The following DNAH10 variants were observed in gnomAD, a reference collection of about 807,000 sequenced individuals.
DNAH10 encodes axonemal beta dynein heavy chain 10.
A neutral mutation model predicts 506.6 loss-of-function variants in DNAH10; 348 were observed. The observed-to-expected ratio is 0.69, with a 90% CI of 0.63 to 0.75. DNAH10 has a LOEUF of 0.75. Ranked by LOEUF, DNAH10 falls within the 30% of genes least tolerant of loss-of-function variation. The probability of loss-of-function intolerance (pLI) is 0.00; values close to 1 mark genes in which losing one functional copy is unlikely to be tolerated. For synonymous variants in DNAH10, 2,059 were observed against 2,198.6 expected, an observed-to-expected ratio of 0.94 and a Z score of 1.78; for missense variants, 5,179 against 5,787.1, an observed-to-expected ratio of 0.89 and a Z score of 3.41.
chr12:123,862,417 G>A (rs1056575561), intron 39 of DNAH10, among the ~76,000 whole-genome samples: 8 of 151,342 alleles, frequency 5.3e-5, no homozygotes, highest in African/African-American at 1.9e-4. Context: ...TTTGAGAGGG[G>A]TCGTGCTCTG....
chr12:123,814,658 A>G (rs1311007700), intron 21 of DNAH10, among the ~76,000 whole-genome samples: 5 of 127,332 alleles, frequency 3.9e-5, no homozygotes, highest in South Asian at 2.4e-4. Context: ...TCTGTCGCCC[A>G]GGCTGGAGTG....
In DNAH10 at chr12:123,813,861, A is replaced by C; in HGVS notation, c.3729A>C (p.Arg1243Ser). 1 of 1,612,564 alleles carries C rather than the reference A, an allele frequency of 6.2e-7. No homozygotes were observed. Among genetic ancestry groups the C allele is most frequent in the Non-Finnish European group, 8.5e-7 (1 of 1,179,634 alleles). The change falls in exon 21 of 79, where the codon AGA becomes AGC. Residue 1243 changes from arginine (R) to serine (S), a missense_variant. By Grantham distance (110) the Arg-to-Ser change is moderately radical. Transcript: ENST00000673944. Reference protein sequence around the residue: ...IRSKSLVMELRYRDVQERYRT... With the variant: ...IRSKSLVMELSYRDVQERYRT... Reference sequence around the variant, plus strand: ...GTAAATCTCTAGTCATGGAACTCAGATATAGGGACGTCCAGGAGCGATACC... The same window carrying C: ...GTAAATCTCTAGTCATGGAACTCAGCTATAGGGACGTCCAGGAGCGATACC...
At chr12:123,764,616 C>G (rs549437501) in intron 1 of DNAH10, among the ~76,000 whole-genome samples, 1 of 152,284 alleles carries the variant, frequency 6.6e-6, no homozygotes, top group Admixed American at 6.5e-5. Context: ...ACGTGTTTAG[C>G]CCAAATGTCA....
At chr12:123,808,657 C>T (rs1054554918) in intron 18 of DNAH10, 140 bp from the exon 19 acceptor site, 6 of 794,064 alleles carry the variant, frequency 7.6e-6, no homozygotes, top group African/African-American at 3.5e-5. Context: ...TAAGACTCAC[C>T]CCAGCCTGTC....
Position 123,933,451 on chromosome 12 carries a change from T to C in DNAH10, c.13417T>C (p.Leu4473=). The change falls in exon 77 of 79, where the codon TTG becomes CTG. Residue 4473 remains leucine (L), a synonymous_variant. Transcript: ENST00000673944. ...KNGWPLDRST[L]FTQVTKFQDA... ...CGGCTGGCCACTGGACCGCTCCACC[T>C]TGTTCACACAAGTGACCAAGTTCCA... 6.2e-7 allele frequency: 1 copy of C among 1,612,772 alleles called. No individual in the cohort carries two copies. The highest frequency in any genetic ancestry group is 8.5e-7 in the Non-Finnish European group (1 of 1,179,674).
rs563295755 is a variant in DNAH10, at chr12:123,800,972, G to A, written c.2463-309G>A. 2.1e-3 allele frequency among the ~76,000 whole-genome samples: 312 copies of A among 152,026 alleles called. 1 individual carries two copies. The highest frequency in any genetic ancestry group is 3.4e-3 in the Middle Eastern group (1 of 294). On this transcript the variant is annotated intron_variant, in intron 15 of 78. Coordinates refer to ENST00000673944, the MANE Select transcript of DNAH10 (RefSeq NM_001372106.1). ...GCAGAGGTTGCAGTGAGCCGAGATC[G>A]TGCCACTGCACTCCAGCCTAGGCGA...
Position 123,913,389 on chromosome 12 carries a change from ATTCT to A in DNAH10, c.10352+77_10352+80del. On this transcript the variant is annotated intron_variant, in intron 60 of 78. Transcript: ENST00000673944. The surrounding 1 kb of genome is among the most constrained non-coding windows in gnomAD (Gnocchi z 5.1). ...ACCCACAGAGTTTCTCGCCATGTTG[ATTCT>A]TTATCTCACGTTGTGTTTTTATGTG... 1 of 1,424,302 alleles carries A rather than the reference ATTCT, an allele frequency of 7.0e-7. No homozygotes were observed. Among genetic ancestry groups the A allele is most frequent in the South Asian group, 1.4e-5 (1 of 73,602 alleles). The allele number at this position is 1,424,302 out of a possible 1,614,324, so 88.2% of individuals were successfully genotyped here.
In DNAH10 at chr12:123,910,687, T is replaced by A; in HGVS notation, c.10134+15T>A. The stretch of plus-strand genomic sequence containing the variant: ...AAAGAGAGAAGGTATTGCCCGAATG[T>A]AAGACTGCCACACCACTGCCAAGGG... On this transcript the variant is annotated intron_variant, in intron 59 of 78. Transcript: ENST00000673944. 1 of 1,609,366 alleles carries A rather than the reference T, an allele frequency of 6.2e-7. No individual in the cohort carries two copies. Among genetic ancestry groups the A allele is most frequent in the African/African-American group, 1.4e-5 (1 of 72,588 alleles).
Position 123,859,224 on chromosome 12 carries a change from G to GGGCA in DNAH10, c.6706_6709dup (p.Lys2237ArgfsTer7). On this transcript the variant is annotated frameshift_variant, in exon 38 of 79. Coordinates refer to ENST00000673944, the MANE Select transcript of DNAH10 (RefSeq NM_001372106.1). LOFTEE classifies it high-confidence loss of function. ...CGATGGTGGTGGGGCCCACCAGAGG[G>GGGCA]GGCAAGTCCGTCGTCATTAACACTC... The GGGCA allele has an allele frequency of 6.2e-7, 1 of 1,610,888 alleles. No homozygotes were observed. The highest frequency in any genetic ancestry group is 8.5e-7 in the Non-Finnish European group (1 of 1,178,860).
At chr12:123,876,462 A>T (rs1252514544) in intron 47 of DNAH10, among the ~76,000 whole-genome samples, 1 of 151,888 alleles carries the variant, frequency 6.6e-6, no homozygotes, top group Non-Finnish European at 1.5e-5. Context: ...GCAAAACCTC[A>T]TCTCTACTAA....
At chr12:123,899,777 G>A (rs578026445) in intron 56 of DNAH10, among the ~76,000 whole-genome samples, 10 of 152,178 alleles carry the variant, frequency 6.6e-5, no homozygotes, top group African/African-American at 9.7e-5. Context: ...TCCCTGAGGC[G>A]CCTCTAGTTT....
At position 123,838,566 on chromosome 12, in the gene DNAH10, C is replaced by T. The variant is rs1419577760; in HGVS notation, c.5013C>T (p.Ser1671=). The change falls in exon 29 of 79, where the codon AGC becomes AGT. Residue 1671 remains serine (S), a synonymous_variant. Transcript: ENST00000673944. ...AGGGCCTGGAGAAATGCCAGAAAAG[C>T]CTCAACGACTACTTAGATTCGAAGA... ...VSEGLEKCQK[S]LNDYLDSKRN... is the part of the protein sequence containing the mutation. 1.2e-6 allele frequency: 2 copies of T among 1,614,038 alleles called. No homozygotes were observed. Among genetic ancestry groups the T allele is most frequent in the Non-Finnish European group, 1.7e-6 (2 of 1,179,898 alleles).
At position 123,859,258 on chromosome 12, in the gene DNAH10, G is replaced by T; in HGVS notation, c.6739G>T (p.Ala2247Ser). Reference protein sequence around the residue: ...KSVVINTLCQAQTKLGLTTKL... With the variant: ...KSVVINTLCQSQTKLGLTTKL... ...CGTCGTCATTAACACTCTGTGTCAG[G>T]CCCAGACCAAGTGAGTATGACCTCC... Residue 2247 changes from alanine to serine, a missense_variant, in exon 38 of 79, where the codon GCC becomes TCC. Around this residue, in one of 3 missense-constraint regions of DNAH10, gnomAD observed 4,844 missense variants for 5,430.5 expected, o/e 0.89. Transcript: ENST00000673944. The T allele has an allele frequency of 1.2e-6, 2 of 1,603,406 alleles. No homozygotes were observed. Among genetic ancestry groups the T allele is most frequent in the Non-Finnish European group, 1.7e-6 (2 of 1,176,122 alleles).
At chr12:123,885,197 T>C (rs1952677824) in intron 51 of DNAH10, among the ~76,000 whole-genome samples, 1 of 152,222 alleles carries the variant, frequency 6.6e-6, no homozygotes, top group South Asian at 2.1e-4. Context: ...AGGGACCATA[T>C]GTGCATTCAT....
chr12:123,914,733 A>G (rs1190507115), intron 61 of DNAH10, 119 bp from the exon 62 acceptor site: 4 of 1,448,838 alleles, frequency 2.8e-6, no homozygotes, highest in Non-Finnish European at 3.7e-6. Context: ...CTGGCCTCTG[A>G]GGAGGCTTGT....
intron 67 of DNAH10, 70 bp downstream of exon 67, chr12:123,924,502 C>A: frequency 6.4e-7 from 1 of 1,565,324 alleles, no homozygotes; most frequent in Non-Finnish European, 8.7e-7. Context: ...TCAACTGTGG[C>A]CCAACCCCTT....
chr12:123,796,294 C>T (rs1280041338), intron 12 of DNAH10, among the ~76,000 whole-genome samples: 2 of 151,864 alleles, frequency 1.3e-5, no homozygotes, highest in Non-Finnish European at 2.9e-5. Context: ...CCATTTCTAC[C>T]AAAAATACAA....
At position 123,796,640 on chromosome 12, in the gene DNAH10, T is replaced by C. The variant is rs759392628; in HGVS notation, c.1987-16T>C. ...CGATGTTTATCACTTACAGAAGCTG[T>C]TTGATTGCTTTTCAGATTGACATCA... On this transcript the variant is annotated splice_polypyrimidine_tract_variant and intron_variant, in intron 12 of 78. Transcript: ENST00000673944. 13 of 1,587,564 alleles carry C rather than the reference T, an allele frequency of 8.2e-6. No homozygotes were observed. The highest frequency in any genetic ancestry group is 1.7e-5 in the Admixed American group (1 of 57,172).
At chr12:123,770,487 ATTTTT>A (rs56670119) in intron 2 of DNAH10, among the ~76,000 whole-genome samples, 6,343 of 133,096 alleles carry the variant, frequency 0.048, 204 homozygotes, top group African/African-American at 0.091. Flanking sequence ...CGTAAGTGTG[ATTTTT>A]TTTTTTTTTT....
Sources: allele counts gnomAD v4.1 joint callset (sites outside exome capture counted in the v4.1 genomes callset), GRCh38; gene constraint gnomAD v4.1.1; regional missense constraint gnomAD v4.1.1; non-coding constraint Gnocchi (gnomAD v3.1); transcripts MANE v1.5; gene names NCBI Gene and HGNC (gene_info 2026-07-23, HGNC 2026-07-21).